Variants in GDAP1L1 observed in about 807,000 individuals in gnomAD.
GDAP1L1 encodes the protein ganglioside-induced differentiation-associated protein 1-like 1.
GDAP1L1 carries 21 observed loss-of-function variants against 37.1 expected under a neutral mutation model. The observed-to-expected ratio is 0.57, with a 90% confidence interval of 0.40 to 0.81. The LOEUF is 0.81. GDAP1L1 is among the 40% of genes least tolerant of loss of function. The probability of loss-of-function intolerance (pLI) is 0.00; values close to 1 mark genes in which losing one functional copy is unlikely to be tolerated. For synonymous variants in GDAP1L1, 193 were observed against 209.1 expected (o/e 0.92, Z 0.67); for missense variants, 362 against 491.6 (o/e 0.74, Z 2.49).
intron 1 of GDAP1L1, 80 bp from the exon 2 acceptor site, chr20:44,257,073 C>G (rs1298228536): frequency 1.4e-6 from 2 of 1,412,094 alleles, no homozygotes; most frequent in East Asian, 2.5e-5. Context: ...TGACCTCCCT[C>G]CCCGCACACC....
At chr20:44,278,153 CAA>C (rs3037697) in intron 5 of GDAP1L1, among the ~76,000 whole-genome samples, 28,203 of 85,462 alleles carry the variant, frequency 0.33, 3,070 homozygotes, top group East Asian at 0.5. Context: ...GACTCCATCT[CAA>C]AAAAAAAAAA....
intron 5 of GDAP1L1, among the ~76,000 whole-genome samples, chr20:44,271,022 G>A (rs2062509928): frequency 1.3e-5 from 2 of 152,192 alleles, no homozygotes; most frequent in Admixed American, 1.3e-4. Context: ...AGCTAGTTGG[G>A]AGGCTGAGGC....
At chr20:44,272,113 C>T (rs987449033) in intron 5 of GDAP1L1, among the ~76,000 whole-genome samples, 1 of 152,176 alleles carries the variant, frequency 6.6e-6, no homozygotes, top group Admixed American at 6.5e-5. Flanking sequence ...GGGCATGAGC[C>T]CCGGGGGGTG....
At chr20:44,263,572 G>A (rs1376093281) in intron 4 of GDAP1L1, among the ~76,000 whole-genome samples, 1 of 152,176 alleles carries the variant, frequency 6.6e-6, no homozygotes, top group Non-Finnish European at 1.5e-5. Flanking sequence ...GGCCAGGCAT[G>A]GTGGCTCACT....
intron 1 of GDAP1L1, 21 bp downstream of exon 1, chr20:44,247,535 G>C (rs1365899006): frequency 6.8e-7 from 1 of 1,471,424 alleles, no homozygotes; most frequent in Non-Finnish European, 9.0e-7. Context: ...GCCGGGAGCC[G>C]CCTGCGCCGG....
intron 1 of GDAP1L1, among the ~76,000 whole-genome samples, chr20:44,248,796 A>G (rs1252107770): frequency 6.6e-6 from 1 of 152,146 alleles, no homozygotes; most frequent in Non-Finnish European, 1.5e-5. Context: ...CTTTCCAACA[A>G]GCGACCAGGT....
At chr20:44,271,088 C>T (rs527511099) in intron 5 of GDAP1L1, among the ~76,000 whole-genome samples, 4 of 152,164 alleles carry the variant, frequency 2.6e-5, no homozygotes, top group African/African-American at 9.6e-5. Flanking sequence ...CATGGTGAGA[C>T]TCTGTCTCTA....
Position 44,257,361 on chromosome 20 carries a change from C to T in GDAP1L1, c.373+16C>T, listed in dbSNP as rs778675734. ...TTCACAGGAGGTACGGCTGCCTCCC[C>T]ACCCAGGGGCCCACTCCATACCACA... On this transcript the variant is annotated intron_variant, in intron 2 of 5. Transcript: ENST00000342560. The T allele has an allele frequency of 6.8e-6, 11 of 1,606,214 alleles. No homozygotes were observed. The East Asian group carries it at 2.2e-4, about 33-fold the overall frequency.
At chr20:44,276,856 G>A (rs1400663225) in intron 5 of GDAP1L1, among the ~76,000 whole-genome samples, 1 of 152,130 alleles carries the variant, frequency 6.6e-6, no homozygotes, top group Non-Finnish European at 1.5e-5. Context: ...ATGTGGCGCT[G>A]TGTTCTATGG....
chr20:44,280,585 T>G lies in GDAP1L1; in HGVS notation c.*1285T>G, dbSNP rs2062630105. 6.6e-6 allele frequency: 1 copy of G among 152,356 alleles called. No individual in the cohort carries two copies. The highest frequency in any genetic ancestry group is 2.4e-5 in the African/African-American group (1 of 41,474). The allele number at this position is 152,356 out of a possible 1,614,324, so 9.4% of individuals were successfully genotyped here. On this transcript the variant is annotated 3_prime_UTR_variant, in exon 6 of 6. Coordinates refer to ENST00000342560, the MANE Select transcript of GDAP1L1 (RefSeq NM_024034.6). The stretch of plus-strand genomic sequence containing the variant: ...TAACATCAACCCAGCTCATTTAGGC[T>G]CAGCCCTTTACAGGTTACAGGGCAT...
chr20:44,276,568 T>G (rs185876524), intron 5 of GDAP1L1, among the ~76,000 whole-genome samples: 1 of 152,352 alleles, frequency 6.6e-6, no homozygotes, highest in East Asian at 1.9e-4. Flanking sequence ...AGCTGGAATT[T>G]AATTGCATTT....
At position 44,264,499 on chromosome 20, in the gene GDAP1L1, C is replaced by G; in HGVS notation, c.700C>G (p.Leu234Val). The change falls in exon 5 of 6, where the codon CTG (leucine) becomes GTG (valine). Residue 234 changes from leucine (L) to valine (V), a missense_variant. Physicochemically the swap from Leu to Val is conservative, Grantham distance 32 (BLOSUM62 1). This residue lies in a region of GDAP1L1 where 277 missense variants were observed against 337.1 expected (regional missense o/e 0.82). Transcript: ENST00000342560. ...VSYLKKILGE[L>V]AMVLDQIEAE... ...CTACCTGAAGAAGATCCTCGGGGAA[C>G]TGGCCATGGTGCTGGACCAGATTGA... 2 of 1,561,224 alleles carry G rather than the reference C, an allele frequency of 1.3e-6. No individual in the cohort carries two copies.
At chr20:44,278,153 C>CAAAAAAAAAA (rs3037697) in intron 5 of GDAP1L1, among the ~76,000 whole-genome samples, 2 of 86,002 alleles carry the variant, frequency 2.3e-5, no homozygotes, top group East Asian at 2.8e-4. Context: ...GACTCCATCT[C>CAAAAAAAAAA]AAAAAAAAAA....
At chr20:44,263,190 A>C in intron 3 of GDAP1L1, 40 bp from the exon 4 acceptor site, 1 of 1,522,310 alleles carries the variant, frequency 6.6e-7, no homozygotes, top group Admixed American at 1.7e-5. Flanking sequence ...GGAGCAACCA[A>C]GGTATCAGAG....
At chr20:44,259,927 A>T (rs544092114) in intron 3 of GDAP1L1, among the ~76,000 whole-genome samples, 3 of 152,192 alleles carry the variant, frequency 2.0e-5, no homozygotes, top group African/African-American at 7.2e-5. Flanking sequence ...GTCAAGTTCC[A>T]TGGAAGGAAA....
rs375517198 is a variant in GDAP1L1, at chr20:44,263,252, G to A, written c.570G>A (p.Thr190=). 2.8e-5 allele frequency: 45 copies of A among 1,613,902 alleles called. No individual in the cohort carries two copies. The highest frequency in any genetic ancestry group is 2.1e-4 in the South Asian group (19 of 91,072). ...CAGGACATTTAGCCAATGCCACCACGGACCTCATGAAACTGGACCATGAAG... is the reference window on the plus strand; with the variant it reads ...CAGGACATTTAGCCAATGCCACCACAGACCTCATGAAACTGGACCATGAAG... ...EIRRHLANAT[T]DLMKLDHEEE... The change falls in exon 4 of 6, where the codon ACG becomes ACA. Residue 190 remains threonine, a synonymous_variant. Coordinates refer to ENST00000342560, the MANE Select transcript of GDAP1L1 (RefSeq NM_024034.6).
At chr20:44,266,265 G>A (rs747521142) in intron 5 of GDAP1L1, among the ~76,000 whole-genome samples, 2 of 151,626 alleles carry the variant, frequency 1.3e-5, no homozygotes, top group African/African-American at 2.4e-5. Flanking sequence ...CTCAGATTGC[G>A]CCACTGCACT....
intron 1 of GDAP1L1, among the ~76,000 whole-genome samples, chr20:44,253,282 C>T (rs966770782): frequency 6.6e-6 from 1 of 152,172 alleles, no homozygotes; most frequent in Non-Finnish European, 1.5e-5. Context: ...AGACCTGGCA[C>T]ATAGTAGGCA....
At position 44,279,644 on chromosome 20, in the gene GDAP1L1, C is replaced by T. The variant is rs867808001; in HGVS notation, c.*344C>T. The T allele has an allele frequency of 2.7e-5, 13 of 485,732 alleles. No homozygotes were observed. The highest frequency in any genetic ancestry group is 3.2e-4 in the Middle Eastern group (1 of 3,166). The allele number at this position is 485,732 out of a possible 1,614,324, so 30.1% of individuals were successfully genotyped here. On this transcript the variant is annotated 3_prime_UTR_variant, in exon 6 of 6. Coordinates refer to ENST00000342560, the MANE Select transcript of GDAP1L1 (RefSeq NM_024034.6). ...GAGGTGAGTCCCAGGATGTTTCGTC[C>T]ACCAGGGCCCAGATTCTGGGAGGTG...
Sources: gnomAD v4.1 joint callset for allele counts (sites outside exome capture counted in the v4.1 genomes callset) on GRCh38, gnomAD v4.1.1 for gene constraint, gnomAD v4.1.1 regional missense constraint, MANE v1.5 for transcripts, NCBI Gene and HGNC (gene_info 2026-07-23, HGNC 2026-07-21) for gene names.